Variants in F13A1 observed in about 807,000 individuals in gnomAD.
F13A1 encodes FSF, A subunit.
F13A1 carries 47 observed loss-of-function variants against 80.1 expected under a neutral mutation model. The ratio of observed to expected loss-of-function variants is 0.59; its 90% CI spans 0.46 to 0.75. F13A1 has a LOEUF of 0.75. Ranked by LOEUF, F13A1 falls within the 30% of genes least tolerant of loss-of-function variation. The probability of loss-of-function intolerance (pLI) is 0.00; values close to 1 mark genes in which losing one functional copy is unlikely to be tolerated. For missense variants in F13A1, 817 were observed against 930.4 expected (o/e 0.88, Z 1.59); for synonymous variants, 349 against 344.9 (o/e 1.01, Z -0.13).
chr6:6,206,687 T>G (rs528358585), intron 8 of F13A1: 4 of 403,212 alleles, frequency 9.9e-6, no homozygotes, highest in African/African-American at 8.4e-5. Flanking sequence ...AGCAAATATT[T>G]TTTACATTCC....
intron 3 of F13A1, among the ~76,000 whole-genome samples, chr6:6,285,541 T>C (rs1011493638): frequency 5.3e-5 from 8 of 152,186 alleles, no homozygotes; most frequent in African/African-American, 1.9e-4. Flanking sequence ...TCCTGAAGGC[T>C]AAAGAAATGC....
chr6:6,226,610 G>C (rs1156489005), intron 6 of F13A1, among the ~76,000 whole-genome samples: 2 of 152,132 alleles, frequency 1.3e-5, no homozygotes, highest in Non-Finnish European at 2.9e-5. Context: ...GCTGTGTCTA[G>C]TTGTAGAGAA....
At chr6:6,288,296 A>T (rs1436192247) in intron 3 of F13A1, among the ~76,000 whole-genome samples, 1 of 152,200 alleles carries the variant, frequency 6.6e-6, no homozygotes, top group Non-Finnish European at 1.5e-5. Context: ...GAGACTTTGT[A>T]CCCATTGATC....
intron 6 of F13A1, among the ~76,000 whole-genome samples, chr6:6,247,547 A>G (rs1313380606): frequency 6.6e-6 from 1 of 152,170 alleles, no homozygotes; most frequent in Non-Finnish European, 1.5e-5. Flanking sequence ...TCCACGTCCT[A>G]TGCCTGGCCC....
intron 4 of F13A1, among the ~76,000 whole-genome samples, chr6:6,259,211 C>T (rs181078851): frequency 4.6e-4 from 70 of 152,226 alleles, no homozygotes; most frequent in Non-Finnish European, 7.9e-4. Context: ...AGCCTGAGGG[C>T]GTAAATGCTG....
At chr6:6,164,568 A>T (rs1052879080) in intron 13 of F13A1, among the ~76,000 whole-genome samples, 4 of 152,096 alleles carry the variant, frequency 2.6e-5, no homozygotes, top group African/African-American at 9.7e-5. Context: ...TATACAATTT[A>T]TCTGACCCCT....
intron 3 of F13A1, among the ~76,000 whole-genome samples, chr6:6,277,335 CAAAAAAAAAAAAAAAAAAAA>C (rs1160750080): frequency 0.014 from 6 of 414 alleles, no homozygotes; most frequent in East Asian, 0.1. Flanking sequence ...GACTCCGTCT[CAAAAAAAAAAAAAAAAAAAA>C]AAAAAAAAAA....
chr6:6,178,042 AGAGGG>A (rs796723922), intron 11 of F13A1, among the ~76,000 whole-genome samples: 1,114 of 7,328 alleles, frequency 0.15, 18 homozygotes, highest in African/African-American at 0.2. Flanking sequence ...GGCCACAGGG[AGAGGG>A]GGGGGGGGGT....
At chr6:6,159,738 AT>A (rs1257048679) in intron 13 of F13A1, among the ~76,000 whole-genome samples, 33 of 152,224 alleles carry the variant, frequency 2.2e-4, no homozygotes, top group African/African-American at 7.7e-4. Flanking sequence ...TATCTATACA[AT>A]TCCCCACCAA....
chr6:6,171,060 T>C (rs780465708), intron 12 of F13A1, among the ~76,000 whole-genome samples: 6 of 152,042 alleles, frequency 3.9e-5, no homozygotes, highest in African/African-American at 7.2e-5. Flanking sequence ...TACTCACCCA[T>C]ACAAGCTCAT....
chr6:6,201,642 T>C (rs982044584), intron 8 of F13A1, among the ~76,000 whole-genome samples: 1 of 152,180 alleles, frequency 6.6e-6, no homozygotes, highest in African/African-American at 2.4e-5. Flanking sequence ...CATGCTCAGT[T>C]TTTTATATCC....
intron 8 of F13A1, among the ~76,000 whole-genome samples, chr6:6,199,981 G>A (rs1428352854): frequency 6.6e-6 from 1 of 152,180 alleles, no homozygotes; most frequent in African/African-American, 2.4e-5. Flanking sequence ...CAAGTAGTAT[G>A]ATGGTTTTGT....
At chr6:6,278,570 T>G (rs1015039623) in intron 3 of F13A1, among the ~76,000 whole-genome samples, 34 of 150,942 alleles carry the variant, frequency 2.3e-4, no homozygotes, top group African/African-American at 7.3e-4. Flanking sequence ...GAGGGAATTG[T>G]GGGAGATTAG....
At chr6:6,285,524 C>T (rs893430917) in intron 3 of F13A1, among the ~76,000 whole-genome samples, 11 of 152,198 alleles carry the variant, frequency 7.2e-5, no homozygotes, top group African/African-American at 2.7e-4. Flanking sequence ...CACATCCAGC[C>T]CCAGCTTCCT....
intron 13 of F13A1, among the ~76,000 whole-genome samples, chr6:6,153,881 C>A (rs763461971): frequency 6.6e-6 from 1 of 152,078 alleles, no homozygotes; most frequent in Non-Finnish European, 1.5e-5. Context: ...TAGTTATTCC[C>A]TTAAGAAGAA....
intron 6 of F13A1, among the ~76,000 whole-genome samples, chr6:6,246,160 C>G (rs1757553094): frequency 6.6e-6 from 1 of 152,200 alleles, no homozygotes; most frequent in East Asian, 1.9e-4. Flanking sequence ...TGTCTTTGTT[C>G]TTTGTTTAAC....
At chr6:6,186,877 G>C (rs1024439629) in intron 10 of F13A1, among the ~76,000 whole-genome samples, 27 of 148,094 alleles carry the variant, frequency 1.8e-4, no homozygotes, top group Middle Eastern at 3.4e-3. Context: ...TCTTCCATTT[G>C]TTTGTATCCT....
chr6:6,249,749 G>T (rs1757604655), intron 5 of F13A1, among the ~76,000 whole-genome samples: 1 of 152,198 alleles, frequency 6.6e-6, no homozygotes, highest in African/African-American at 2.4e-5. Flanking sequence ...CAGGCAGTAG[G>T]CAGTATAGTC....
intron 3 of F13A1, among the ~76,000 whole-genome samples, chr6:6,282,480 A>G (rs1210705580): frequency 6.6e-6 from 1 of 152,212 alleles, no homozygotes; most frequent in Non-Finnish European, 1.5e-5. Context: ...TTGGTAATAA[A>G]TGGGATTTTA....
Sources: allele counts gnomAD v4.1 joint callset (sites outside exome capture counted in the v4.1 genomes callset), GRCh38; gene constraint gnomAD v4.1.1; transcripts MANE v1.5; gene names NCBI Gene and HGNC (gene_info 2026-07-23, HGNC 2026-07-21).